The following BMP6 variants were observed in gnomAD, a reference collection of about 807,000 sequenced individuals.
BMP6 encodes bone morphogenetic protein 6, also known as VG-1-R.
In BMP6, 17 loss-of-function variants were observed where a neutral mutation model predicts 54.1. That is an observed-to-expected ratio of 0.31 (90% confidence interval 0.22 to 0.47). BMP6 has a LOEUF of 0.47. Among genes scored for constraint, BMP6 ranks in the 20% least tolerant of loss-of-function variants. The pLI, the probability that BMP6 is intolerant of heterozygous loss-of-function variation, is 1.00. For synonymous variants in BMP6, 328 were observed against 291.2 expected, an observed-to-expected ratio of 1.13 and a Z score of -1.28; for missense variants, 720 against 690.4, an observed-to-expected ratio of 1.04 and a Z score of -0.48.
chr6:7,836,129 C>T (rs779545711), intron 1 of BMP6, among the ~76,000 whole-genome samples: 24 of 152,000 alleles, frequency 1.6e-4, no homozygotes, highest in Non-Finnish European at 3.1e-4. Flanking sequence ...TGAGCCACTG[C>T]GCCCGGCCTA....
intron 1 of BMP6, among the ~76,000 whole-genome samples, chr6:7,751,248 CA>C (rs1349295860): frequency 6.6e-6 from 1 of 152,192 alleles, no homozygotes; most frequent in East Asian, 1.9e-4. Flanking sequence ...TTGAGAATTG[CA>C]AAGTGTGTTC....
intron 1 of BMP6, among the ~76,000 whole-genome samples, chr6:7,768,285 T>G (rs1223284314): frequency 6.6e-6 from 1 of 152,204 alleles, no homozygotes; most frequent in Non-Finnish European, 1.5e-5. Flanking sequence ...GTAAAACTTG[T>G]GAAAGCATGC....
chr6:7,872,591 C>G (rs1759545604), intron 4 of BMP6, among the ~76,000 whole-genome samples: 1 of 152,176 alleles, frequency 6.6e-6, no homozygotes, highest in African/African-American at 2.4e-5. Flanking sequence ...AGAAGGTTCT[C>G]TTTGTTGAGC....
intron 1 of BMP6, among the ~76,000 whole-genome samples, chr6:7,819,229 A>C (rs977990647): frequency 1.1e-4 from 16 of 152,164 alleles, no homozygotes; most frequent in African/African-American, 2.7e-4. Flanking sequence ...TAGGGTGACC[A>C]ATTTGTCCTA....
At chr6:7,813,936 C>G (rs1026521623) in intron 1 of BMP6, among the ~76,000 whole-genome samples, 2 of 152,160 alleles carry the variant, frequency 1.3e-5, no homozygotes, top group Non-Finnish European at 2.9e-5. Context: ...TTGGGGACAT[C>G]CAGGTAGTCC....
chr6:7,856,697 C>T (rs913698667), intron 2 of BMP6, among the ~76,000 whole-genome samples: 10 of 143,988 alleles, frequency 6.9e-5, no homozygotes, highest in Admixed American at 1.4e-4. Flanking sequence ...CCCGGGTTCA[C>T]GCCATTCTCC....
At chr6:7,867,323 C>T (rs979553996) in intron 4 of BMP6, among the ~76,000 whole-genome samples, 7 of 152,170 alleles carry the variant, frequency 4.6e-5, no homozygotes, top group Non-Finnish European at 8.8e-5. Flanking sequence ...TTAAGCTTCC[C>T]GGTTGGGACT....
intron 1 of BMP6, among the ~76,000 whole-genome samples, chr6:7,784,959 C>T (rs933406919): frequency 6.6e-6 from 1 of 152,200 alleles, no homozygotes; most frequent in African/African-American, 2.4e-5. Context: ...GAAGGGGAAG[C>T]CCCTAGAACT....
chr6:7,800,296 G>A (rs1758250947), intron 1 of BMP6, among the ~76,000 whole-genome samples: 1 of 152,114 alleles, frequency 6.6e-6, no homozygotes, highest in Admixed American at 6.5e-5. Flanking sequence ...GTAAATAGGA[G>A]CATTCTTTGA....
intron 2 of BMP6, among the ~76,000 whole-genome samples, chr6:7,852,435 A>G (rs2113263932): frequency 6.6e-6 from 1 of 152,326 alleles, no homozygotes; most frequent in South Asian, 2.1e-4. Context: ...AAAATTAGCC[A>G]GGCTGGTGGC....
At chr6:7,751,058 A>G (rs564910651) in intron 1 of BMP6, among the ~76,000 whole-genome samples, 35 of 152,360 alleles carry the variant, frequency 2.3e-4, no homozygotes, top group African/African-American at 6.0e-4. Flanking sequence ...CTTCCCGGCC[A>G]TATTAAGCTC....
At chr6:7,843,551 A>G (rs964114146) in intron 1 of BMP6, among the ~76,000 whole-genome samples, 4 of 150,858 alleles carry the variant, frequency 2.7e-5, no homozygotes, top group Non-Finnish European at 4.4e-5. Context: ...ATAATTTGAT[A>G]TTTTTTCTAC....
intron 1 of BMP6, among the ~76,000 whole-genome samples, chr6:7,794,727 T>G (rs920784333): frequency 6.6e-6 from 1 of 151,872 alleles, no homozygotes; most frequent in Non-Finnish European, 1.5e-5. Context: ...CAGCCCTAGG[T>G]TGAAGGTGAG....
At chr6:7,731,042 CAT>C (rs1326686810) in intron 1 of BMP6, among the ~76,000 whole-genome samples, 1 of 152,138 alleles carries the variant, frequency 6.6e-6, no homozygotes, top group Admixed American at 6.6e-5. Context: ...ATTTCTCTCT[CAT>C]AGCGCAAGTG....
At chr6:7,804,237 T>C (rs904912027) in intron 1 of BMP6, among the ~76,000 whole-genome samples, 16 of 152,234 alleles carry the variant, frequency 1.1e-4, no homozygotes, top group African/African-American at 3.9e-4. Flanking sequence ...CACTGTAAAT[T>C]GCAGGCAAAG....
At position 7,727,479 on chromosome 6, in the gene BMP6, CCCCGGG is replaced by C. The variant is rs1223320288; in HGVS notation, c.526_531del (p.Pro176_Gly177del). On this transcript the variant is annotated inframe_deletion, in exon 1 of 7. Coordinates refer to ENST00000283147, the MANE Select transcript of BMP6 (RefSeq NM_001718.6). ...AGCTCGTCCCAGCGTCGGCAGCCGCCCCCGGGCGCCGCGCACCCGCTCAACCGCAAG... is the reference window on the plus strand; with the variant it reads ...AGCTCGTCCCAGCGTCGGCAGCCGCCCGCCGCGCACCCGCTCAACCGCAAG... The C allele has an allele frequency of 1.9e-6, 3 of 1,594,316 alleles. No individual in the cohort carries two copies. Among genetic ancestry groups the C allele is most frequent in the Non-Finnish European group, 2.6e-6 (3 of 1,175,224 alleles).
intron 1 of BMP6, among the ~76,000 whole-genome samples, chr6:7,766,822 G>A (rs549004549): frequency 1.3e-5 from 2 of 152,080 alleles, no homozygotes. Flanking sequence ...TATCCTATTG[G>A]TGAATTTATT....
At chr6:7,862,616 A>G in intron 4 of BMP6, 118 bp downstream of exon 4, 1 of 1,303,122 alleles carries the variant, frequency 7.7e-7, no homozygotes. Flanking sequence ...AAAGGCAAAT[A>G]GGTGTCATAT....
At chr6:7,752,535 A>G (rs939085419) in intron 1 of BMP6, among the ~76,000 whole-genome samples, 5 of 145,984 alleles carry the variant, frequency 3.4e-5, no homozygotes, top group African/African-American at 7.6e-5. Context: ...TACGTACCTC[A>G]TGTTATTATG....
Sources: gnomAD v4.1 joint callset for allele counts (sites outside exome capture counted in the v4.1 genomes callset) on GRCh38, gnomAD v4.1.1 for gene constraint, MANE v1.5 for transcripts, NCBI Gene and HGNC (gene_info 2026-07-23, HGNC 2026-07-21) for gene names.